CADM2: variants seen among roughly 807,000 people sequenced by gnomAD.
CADM2 encodes the protein cell adhesion molecule 2, also known as immunoglobulin superfamily member 4D.
In CADM2, 12 loss-of-function variants were observed where a neutral mutation model predicts 49.8. The ratio of observed to expected loss-of-function variants is 0.24; its 90% CI spans 0.15 to 0.39. CADM2 has a LOEUF of 0.39. Ranked by LOEUF, CADM2 falls within the 10% of genes least tolerant of loss-of-function variation. The pLI, the probability that CADM2 is intolerant of heterozygous loss-of-function variation, is 1.00. For synonymous variants in CADM2, 214 were observed against 175.4 expected, an observed-to-expected ratio of 1.22 and a Z score of -1.74; for missense variants, 378 against 492.3, an observed-to-expected ratio of 0.77 and a Z score of 2.20.
intron 1 of CADM2, among the ~76,000 whole-genome samples, chr3:85,008,481 A>G (rs549019648): frequency 1.3e-5 from 2 of 152,170 alleles, no homozygotes; most frequent in African/African-American, 4.8e-5. Context: ...ATGGCTACTT[A>G]CTCATGGACT....
intron 1 of CADM2, among the ~76,000 whole-genome samples, chr3:84,968,182 A>G (rs1305521641): frequency 6.6e-6 from 1 of 151,938 alleles, no homozygotes; most frequent in Non-Finnish European, 1.5e-5. Context: ...CCTTCTGTAT[A>G]CAAATGTTCC....
chr3:85,310,234 G>A (rs1385900198), intron 1 of CADM2, among the ~76,000 whole-genome samples: 2 of 152,140 alleles, frequency 1.3e-5, no homozygotes, highest in Non-Finnish European at 2.9e-5. Flanking sequence ...ATTTGCATGT[G>A]AAAAGATAAT....
At chr3:85,480,125 T>C (rs902495239) in intron 1 of CADM2, among the ~76,000 whole-genome samples, 1 of 151,912 alleles carries the variant, frequency 6.6e-6, no homozygotes, top group African/African-American at 2.4e-5. Flanking sequence ...GCATATAAAC[T>C]GCAGAGATAA....
intron 1 of CADM2, among the ~76,000 whole-genome samples, chr3:85,609,419 T>G (rs2063620314): frequency 6.6e-6 from 1 of 152,124 alleles, no homozygotes; most frequent in South Asian, 2.1e-4. Context: ...ATTGAGACCA[T>G]AACTCTTGGT....
intron 1 of CADM2, among the ~76,000 whole-genome samples, chr3:85,169,134 G>C (rs1326843760): frequency 1.3e-5 from 2 of 151,528 alleles, no homozygotes; most frequent in African/African-American, 4.9e-5. Flanking sequence ...GTTTTGTTCT[G>C]TTTTGTTTTG....
chr3:85,905,792 C>T (rs1716720652), intron 5 of CADM2, among the ~76,000 whole-genome samples: 1 of 152,082 alleles, frequency 6.6e-6, no homozygotes, highest in South Asian at 2.1e-4. Flanking sequence ...ATGTGATTCT[C>T]AGAATACAAG....
intron 1 of CADM2, among the ~76,000 whole-genome samples, chr3:85,182,902 G>A (rs188123494): frequency 3.0e-4 from 46 of 151,916 alleles, no homozygotes; most frequent in Middle Eastern, 3.4e-3. Flanking sequence ...CAAGTATTAC[G>A]TTGCTCTTTA....
At chr3:85,574,526 A>G (rs1466163014) in intron 1 of CADM2, among the ~76,000 whole-genome samples, 3 of 152,198 alleles carry the variant, frequency 2.0e-5, no homozygotes. Flanking sequence ...TAGGGCAAAA[A>G]GTGTTCCCTG....
At chr3:85,272,134 A>G (rs1209651528) in intron 1 of CADM2, among the ~76,000 whole-genome samples, 2 of 151,250 alleles carry the variant, frequency 1.3e-5, no homozygotes, top group Non-Finnish European at 3.0e-5. Flanking sequence ...TCACAGGGCA[A>G]GAAAATAACA....
rs1722104143 is a variant in CADM2, at chr3:85,942,745, T to C, written c.791+6888T>C. On this transcript the variant is annotated intron_variant, in intron 7 of 9. Coordinates refer to ENST00000383699, the MANE Select transcript of CADM2 (RefSeq NM_001167675.2). ...AATCCAGTCTATCATTGTTGGACAT[T>C]TGGGTTGGTTCCAAGTCTTTGCTAT... Among the ~76,000 whole-genome samples the C allele has an allele frequency of 2.0e-5, 3 of 152,052 alleles. No individual in the cohort carries two copies. In the South Asian group the frequency reaches 6.2e-4, roughly 32 times the overall value.
At chr3:85,656,815 A>C (rs2065215003) in intron 1 of CADM2, among the ~76,000 whole-genome samples, 1 of 152,160 alleles carries the variant, frequency 6.6e-6, no homozygotes, top group Admixed American at 6.5e-5. Context: ...TCATCAGCTC[A>C]TGAGTCAGAT....
At chr3:85,963,445 T>C (rs1725087722) in intron 8 of CADM2, among the ~76,000 whole-genome samples, 1 of 151,628 alleles carries the variant, frequency 6.6e-6, no homozygotes, top group African/African-American at 2.4e-5. Flanking sequence ...GATCCAAGAG[T>C]AGATTTCAGT....
At chr3:85,700,636 T>G (rs1187042073) in intron 1 of CADM2, among the ~76,000 whole-genome samples, 1 of 152,178 alleles carries the variant, frequency 6.6e-6, no homozygotes, top group Non-Finnish European at 1.5e-5. Context: ...ACTCTCAAGT[T>G]TAAAGTTCCA....
At chr3:85,262,401 G>A (rs2043032251) in intron 1 of CADM2, among the ~76,000 whole-genome samples, 1 of 151,976 alleles carries the variant, frequency 6.6e-6, no homozygotes, top group South Asian at 2.1e-4. Flanking sequence ...GAGGACAAAA[G>A]CAAGGACAGA....
intron 1 of CADM2, among the ~76,000 whole-genome samples, chr3:85,078,587 A>G (rs907233813): frequency 6.6e-6 from 1 of 151,902 alleles, no homozygotes; most frequent in Admixed American, 6.6e-5. Context: ...TTATCTGCAC[A>G]AAGCCCAGAA....
intron 1 of CADM2, among the ~76,000 whole-genome samples, chr3:85,622,939 C>A (rs1211359057): frequency 6.6e-6 from 1 of 151,970 alleles, no homozygotes; most frequent in African/African-American, 2.4e-5. Flanking sequence ...CATGTTTGTC[C>A]ACATGTATCT....
At chr3:86,057,105 GT>G (rs1738085960) in intron 8 of CADM2, among the ~76,000 whole-genome samples, 1 of 151,990 alleles carries the variant, frequency 6.6e-6, no homozygotes, top group African/African-American at 2.4e-5. Flanking sequence ...ATTCTTAAGC[GT>G]TTTTGTCAGA....
At chr3:85,024,339 T>G (rs746790969) in intron 1 of CADM2, among the ~76,000 whole-genome samples, 5 of 152,076 alleles carry the variant, frequency 3.3e-5, no homozygotes, top group Non-Finnish European at 7.4e-5. Flanking sequence ...CTTAGGGAAT[T>G]TAAACTCAGT....
At position 85,466,257 on chromosome 3, in the gene CADM2, A is replaced by T. The variant is rs904860535; in HGVS notation, c.62-260265A>T. ...ATATTAAGGCTTAATGAACACTTTC[A>T]GTAATTTCAGACTAAATTTATCTTC... On this transcript the variant is annotated intron_variant, in intron 1 of 9. Coordinates refer to ENST00000383699, the MANE Select transcript of CADM2 (RefSeq NM_001167675.2). 2.0e-5 allele frequency among the ~76,000 whole-genome samples: 3 copies of T among 152,198 alleles called. No individual in the cohort carries two copies. The East Asian group carries it at 5.8e-4, about 29-fold the overall frequency.
Sources: allele counts gnomAD v4.1 joint callset (sites outside exome capture counted in the v4.1 genomes callset), GRCh38; gene constraint gnomAD v4.1.1; transcripts MANE v1.5; gene names NCBI Gene and HGNC (gene_info 2026-07-23, HGNC 2026-07-21).